Variants in FYCO1 observed in about 807,000 individuals in gnomAD.
FYCO1 encodes FYVE and coiled-coil domain autophagy adaptor 1.
FYCO1 carries 122 observed loss-of-function variants against 165.1 expected under a neutral mutation model. That is an observed-to-expected ratio of 0.74 (90% confidence interval 0.64 to 0.86). FYCO1 has a LOEUF of 0.86. Among genes scored for constraint, FYCO1 ranks in the 40% least tolerant of loss-of-function variants. FYCO1 has a pLI of 0.00. For synonymous variants in FYCO1, 648 were observed against 742.5 expected (o/e 0.87, Z 2.07); for missense variants, 1,702 against 1,810.3 (o/e 0.94, Z 1.09).
intron 16 of FYCO1, among the ~76,000 whole-genome samples, chr3:45,924,619 CT>C (rs561770997): frequency 6.6e-6 from 1 of 150,776 alleles, no homozygotes; most frequent in Admixed American, 6.6e-5. Context: ...TTTTTTTTTC[CT>C]TTTTTTTTCT....
intron 16 of FYCO1, among the ~76,000 whole-genome samples, chr3:45,930,559 C>T (rs937224668): frequency 2.6e-5 from 4 of 152,210 alleles, no homozygotes; most frequent in Admixed American, 1.3e-4. Context: ...TGTCAACATT[C>T]CATGCCTAGA....
intron 14 of FYCO1, chr3:45,946,123 A>G (rs1013546907): frequency 2.2e-5 from 5 of 230,938 alleles, no homozygotes; most frequent in Non-Finnish European, 3.4e-5. Context: ...TTGCTCTTCC[A>G]AACAGCACTG....
chr3:45,972,013 T>C (rs1222745869), intron 6 of FYCO1, among the ~76,000 whole-genome samples: 1 of 152,124 alleles, frequency 6.6e-6, no homozygotes, highest in Non-Finnish European at 1.5e-5. Flanking sequence ...GCTTAGGAAA[T>C]AAATCAACAT....
intron 8 of FYCO1, 55 bp from the exon 9 acceptor site, chr3:45,965,180 T>A (rs1416427964): frequency 2.9e-6 from 4 of 1,361,214 alleles, no homozygotes; most frequent in Non-Finnish European, 4.2e-6. Flanking sequence ...GCTCTGAGGA[T>A]CCCTCAGCCC....
rs1703085408 is a variant in FYCO1 at position 45,921,388 on chromosome 3, C to G, written c.*377G>C. 1 of 333,740 alleles carries G rather than the reference C, an allele frequency of 3.0e-6. No individual in the cohort carries two copies. The allele number at this position is 333,740 out of a possible 1,614,324, so 20.7% of individuals were successfully genotyped here. ...GCCCTGGTGGGGCAGGGCAGAAAAT[C>G]TCTCCACAGGCAGAAGTTGGAATCA... On this transcript the variant is annotated 3_prime_UTR_variant, in exon 18 of 18. Coordinates refer to ENST00000296137, the MANE Select transcript of FYCO1 (RefSeq NM_024513.4).
intron 1 of FYCO1, among the ~76,000 whole-genome samples, chr3:45,987,762 A>G (rs775344005): frequency 5.3e-5 from 8 of 152,352 alleles, no homozygotes; most frequent in Admixed American, 1.3e-4. Context: ...GGTGATAGCA[A>G]CAACAGATCC....
chr3:45,955,827 C>G lies in FYCO1; in HGVS notation c.3800-434G>C, dbSNP rs187928836. Reference sequence around the variant, plus strand: ...TTTTGAAAGCAGGAGTCTGTCTGACCTGCATTTTCCCTTAATCCACTGATG... The same window carrying G: ...TTTTGAAAGCAGGAGTCTGTCTGACGTGCATTTTCCCTTAATCCACTGATG... On this transcript the variant is annotated intron_variant, in intron 13 of 17. Transcript: ENST00000296137. Among the ~76,000 whole-genome samples, 208 of 152,322 alleles carry G rather than the reference C, an allele frequency of 1.4e-3. 1 individual carries two copies. Among genetic ancestry groups the G allele is most frequent in the Admixed American group, 2.6e-3 (40 of 15,298 alleles).
intron 14 of FYCO1, among the ~76,000 whole-genome samples, chr3:45,953,769 G>A (rs1705162177): frequency 6.6e-6 from 1 of 152,228 alleles, no homozygotes; most frequent in Non-Finnish European, 1.5e-5. Flanking sequence ...GGCTAGGTGA[G>A]TGGAAAGTCC....
chr3:45,958,101 G>A (rs1705455556), intron 13 of FYCO1, among the ~76,000 whole-genome samples: 1 of 152,198 alleles, frequency 6.6e-6, no homozygotes, highest in Non-Finnish European at 1.5e-5. Flanking sequence ...CAAGGCTGCA[G>A]CTCTGGTAGA....
rs796426935 is a variant in FYCO1, at chr3:45,951,255, C to CCA, written c.3944+3992_3944+3993dup. On this transcript the variant is annotated intron_variant, in intron 14 of 17. Transcript: ENST00000296137. The stretch of plus-strand genomic sequence containing the variant: ...TAGACACTGGGCTGGGCTCAGTGCT[C>CCA]CACACACACAGTTCTCATGCAATCT... 3.3e-5 allele frequency among the ~76,000 whole-genome samples: 5 copies of CCA among 152,118 alleles called. No homozygotes were observed. The South Asian group carries it at 8.3e-4, about 25-fold the overall frequency.
At chr3:45,977,771 C>T (rs548758769) in intron 4 of FYCO1, among the ~76,000 whole-genome samples, 1 of 152,224 alleles carries the variant, frequency 6.6e-6, no homozygotes, top group African/African-American at 2.4e-5. Context: ...CCTATTTTAG[C>T]CTAAATAGCT....
chr3:45,966,555 C>G lies in FYCO1; in HGVS notation c.2779G>C (p.Ala927Pro), dbSNP rs375281726. 3.1e-6 allele frequency: 5 copies of G among 1,614,076 alleles called. No homozygotes were observed. The African/African-American group carries it at 6.7e-5, about 22-fold the overall frequency. ...VEKERVEEALACAVQELQDAK... is the reference protein window; with the variant it reads ...VEKERVEEALPCAVQELQDAK... ...TCCTGGAGCTCCTGGACAGCACAGGCCAGTGCCTCCTCCACTCGCTCCTTT... is the reference window on the plus strand; with the variant it reads ...TCCTGGAGCTCCTGGACAGCACAGGGCAGTGCCTCCTCCACTCGCTCCTTT... The change falls in exon 8 of 18, where the codon GCC becomes CCC. Residue 927 changes from alanine (A) to proline (P), a missense_variant. Coordinates refer to ENST00000296137, the MANE Select transcript of FYCO1 (RefSeq NM_024513.4).
At chr3:45,947,675 G>A (rs1704718885) in intron 14 of FYCO1, 1 of 629,104 alleles carries the variant, frequency 1.6e-6, no homozygotes, top group African/African-American at 1.8e-5. Context: ...AACATGTACT[G>A]TTCTCTTCTT....
chr3:45,956,903 T>C (rs1030101405), intron 13 of FYCO1, among the ~76,000 whole-genome samples: 6 of 152,108 alleles, frequency 3.9e-5, no homozygotes, highest in Non-Finnish European at 8.8e-5. Context: ...ATTCTAAAAC[T>C]TATATAGAAA....
At position 45,977,406 on chromosome 3, in the gene FYCO1, TAA is replaced by T. The variant is rs1706827793; in HGVS notation, c.289-2063_289-2062del. On this transcript the variant is annotated intron_variant, in intron 4 of 17. Transcript: ENST00000296137. ...ATATATATATATATATATATATATA[TAA>T]AGGGAACTATTTATTTTAAAAGGTA... Among the ~76,000 whole-genome samples, 4 of 88,644 alleles carry T rather than the reference TAA, an allele frequency of 4.5e-5. 1 individual carries two copies. Among genetic ancestry groups the T allele is most frequent in the Admixed American group, 3.8e-4 (3 of 7,904 alleles). 58.2% of individuals were successfully genotyped at this position (88,644 alleles called of 152,430 possible). A position where few individuals can be genotyped will look rare whatever the true frequency, so the allele number is the denominator to read the frequency against.
Position 45,967,723 on chromosome 3 carries a change from C to T in FYCO1, c.1611G>A (p.Lys537=), listed in dbSNP as rs1349978399. ...QHVSDLEEQK[K]QLIQDKDHLS... Reference sequence around the variant, plus strand: ...GGTGGTCTTTGTCCTGAATGAGCTGCTTCTTCTGCTCCTCCAGGTCACTCA... The same window carrying T: ...GGTGGTCTTTGTCCTGAATGAGCTGTTTCTTCTGCTCCTCCAGGTCACTCA... The change falls in exon 8 of 18, where the codon AAG becomes AAA. Residue 537 remains lysine, a synonymous_variant. Coordinates refer to ENST00000296137, the MANE Select transcript of FYCO1 (RefSeq NM_024513.4). 12 of 1,613,182 alleles carry T rather than the reference C, an allele frequency of 7.4e-6. No homozygotes were observed. Among genetic ancestry groups the T allele is most frequent in the Non-Finnish European group, 1.0e-5 (12 of 1,180,038 alleles).
Position 45,988,304 on chromosome 3 carries a change from A to G in FYCO1, c.-112-3282T>C, listed in dbSNP as rs906501243. On this transcript the variant is annotated intron_variant, in intron 1 of 17. Coordinates refer to ENST00000296137, the MANE Select transcript of FYCO1 (RefSeq NM_024513.4). ...TCCTCCGTCTCGGTCTGAGGTCATTACTAACCAACAAAAGGCACAGAATGG... is the reference window on the plus strand; with the variant it reads ...TCCTCCGTCTCGGTCTGAGGTCATTGCTAACCAACAAAAGGCACAGAATGG... Among the ~76,000 whole-genome samples, 3 of 152,332 alleles carry G rather than the reference A, an allele frequency of 2.0e-5. No individual in the cohort carries two copies. The South Asian group carries it at 6.2e-4, about 32-fold the overall frequency.
In FYCO1 at chr3:45,928,535, G is replaced by A. The variant is rs1041314909; in HGVS notation, c.4251+2536C>T. On this transcript the variant is annotated intron_variant, in intron 16 of 17. Coordinates refer to ENST00000296137, the MANE Select transcript of FYCO1 (RefSeq NM_024513.4). ...CTATAATGGAGGAAGTGGGTCTGGA[G>A]AGAGGGTGGCACAGGGTGGAGAGTG... 2.6e-5 allele frequency among the ~76,000 whole-genome samples: 4 copies of A among 152,248 alleles called. No individual in the cohort carries two copies. In the South Asian group the frequency reaches 6.2e-4, roughly 24 times the overall value.
rs371879687 is a variant in FYCO1, at chr3:45,962,885, C to T, written c.3270-493G>A. On this transcript the variant is annotated intron_variant, in intron 10 of 17. Transcript: ENST00000296137. The surrounding 1 kb of genome is among the most constrained non-coding windows in gnomAD (Gnocchi z 4.4). ...AGGCACTCAGTCTTAATCTGCACTGCCAGCTGTTCTACCTGATAGCCCCCC... is the reference window on the plus strand; with the variant it reads ...AGGCACTCAGTCTTAATCTGCACTGTCAGCTGTTCTACCTGATAGCCCCCC... Among the ~76,000 whole-genome samples the T allele has an allele frequency of 5.5e-4, 83 of 152,254 alleles. 1 individual carries two copies. Among genetic ancestry groups the T allele is most frequent in the Admixed American group, 1.6e-3 (25 of 15,302 alleles).
Sources: gnomAD v4.1 joint callset for allele counts (sites outside exome capture counted in the v4.1 genomes callset) on GRCh38, gnomAD v4.1.1 for gene constraint, Gnocchi (gnomAD v3.1) non-coding constraint, MANE v1.5 for transcripts, NCBI Gene and HGNC (gene_info 2026-07-23, HGNC 2026-07-21) for gene names.